Variants in GKAP1 observed in about 807,000 individuals in gnomAD.
The protein encoded by GKAP1 is G kinase anchoring protein 1, also known as G kinase-anchoring protein 1.
A neutral mutation model predicts 56.7 loss-of-function variants in GKAP1; 31 were observed. The observed-to-expected ratio is 0.55, with a 90% CI of 0.41 to 0.74. GKAP1 has a LOEUF of 0.74. Ranked by LOEUF, GKAP1 falls within the 30% of genes least tolerant of loss-of-function variation. The pLI is 0.00. For synonymous variants in GKAP1, 151 were observed against 138.6 expected, an observed-to-expected ratio of 1.09 and a Z score of -0.63; for missense variants, 364 against 402.3, an observed-to-expected ratio of 0.90 and a Z score of 0.82.
chr9:83,795,588 C>CTTTT (rs58291258), intron 4 of GKAP1, among the ~76,000 whole-genome samples: 3,133 of 108,876 alleles, frequency 0.029, 180 homozygotes, highest in Middle Eastern at 0.058. Flanking sequence ...CTGAGAGTGT[C>CTTTT]TTTTTTTTTT....
At chr9:83,811,501 A>G (rs1944505418) in intron 2 of GKAP1, among the ~76,000 whole-genome samples, 1 of 152,244 alleles carries the variant, frequency 6.6e-6, no homozygotes, top group Non-Finnish European at 1.5e-5. Flanking sequence ...CAAAGCAAAC[A>G]GAAAGTATTA....
intron 9 of GKAP1, among the ~76,000 whole-genome samples, chr9:83,749,559 T>C (rs1943352258): frequency 6.6e-6 from 1 of 152,084 alleles, no homozygotes; most frequent in Non-Finnish European, 1.5e-5. Context: ...AATACATTAA[T>C]ACATTAGAGA....
intron 2 of GKAP1, among the ~76,000 whole-genome samples, chr9:83,816,604 C>T (rs1944603878): frequency 1.3e-5 from 2 of 152,172 alleles, no homozygotes; most frequent in Non-Finnish European, 2.9e-5. Context: ...ATTTTTATAG[C>T]TACAAGTCAC....
At chr9:83,748,513 G>T (rs1417372475) in intron 9 of GKAP1, 141 bp from the exon 10 acceptor site, 1 of 500,536 alleles carries the variant, frequency 2.0e-6, no homozygotes, top group Non-Finnish European at 3.5e-6. Flanking sequence ...GGAGGAAAAT[G>T]TATTCGGAAC....
chr9:83,802,831 TA>T (rs58651185), intron 3 of GKAP1, among the ~76,000 whole-genome samples: 60 of 144,320 alleles, frequency 4.2e-4, no homozygotes, highest in Admixed American at 1.1e-3. Context: ...GTCTTCTCTT[TA>T]AAAAAAAAAA....
rs1587722571 is a variant in GKAP1, at chr9:83,784,746, G to A, written c.531C>T (p.Leu177=). ...AATGAAAATCTTTTAGTGATACTGTGAGAGGTCTGTCTTTTCCCTGATGAT... is the reference window on the plus strand; with the variant it reads ...AATGAAAATCTTTTAGTGATACTGTAAGAGGTCTGTCTTTTCCCTGATGAT... ...RKNHQGKDRP[L]TVSLKDFHSE... Residue 177 remains leucine, a synonymous_variant, in exon 6 of 13, where the codon CTC becomes CTT. Transcript: ENST00000376371. 6.2e-7 allele frequency: 1 copy of A among 1,601,832 alleles called. No individual in the cohort carries two copies. The highest frequency in any genetic ancestry group is 2.3e-5 in the East Asian group (1 of 44,396).
intron 11 of GKAP1, among the ~76,000 whole-genome samples, 188 bp downstream of exon 11, chr9:83,742,342 G>T (rs1280142840): frequency 6.6e-6 from 1 of 152,114 alleles, no homozygotes; most frequent in East Asian, 1.9e-4. Flanking sequence ...CTATTCTTCA[G>T]GGGGAAGGAC....
intron 9 of GKAP1, chr9:83,748,785 G>A (rs890685432): frequency 6.6e-6 from 1 of 152,456 alleles, no homozygotes; most frequent in Non-Finnish European, 1.5e-5. Context: ...CTCTGTATTT[G>A]TCACTGTCCA....
At chr9:83,814,004 G>A (rs1207699502) in intron 2 of GKAP1, among the ~76,000 whole-genome samples, 3 of 152,100 alleles carry the variant, frequency 2.0e-5, no homozygotes, top group African/African-American at 7.2e-5. Flanking sequence ...GGAGGCTAAG[G>A]TGGTAGGATC....
chr9:83,814,577 AAG>A (rs1454837664), intron 2 of GKAP1, among the ~76,000 whole-genome samples: 3 of 152,228 alleles, frequency 2.0e-5, no homozygotes, highest in Non-Finnish European at 4.4e-5. Flanking sequence ...CCTGAAAGAC[AAG>A]AGTTTCTATC....
At chr9:83,796,228 G>A (rs1417745848) in intron 4 of GKAP1, among the ~76,000 whole-genome samples, 4 of 151,900 alleles carry the variant, frequency 2.6e-5, no homozygotes, top group Non-Finnish European at 5.9e-5. Flanking sequence ...CACTGCACTC[G>A]GCCTATCAAC....
intron 9 of GKAP1, among the ~76,000 whole-genome samples, chr9:83,752,103 C>T (rs114805678): frequency 0.017 from 2,551 of 152,098 alleles, 65 homozygotes; most frequent in African/African-American, 0.059. Context: ...CGTGGATGAA[C>T]CTTAAAAACA....
intron 10 of GKAP1, among the ~76,000 whole-genome samples, chr9:83,747,781 T>C (rs1381653822): frequency 6.6e-6 from 1 of 151,780 alleles, no homozygotes; most frequent in Non-Finnish European, 1.5e-5. Flanking sequence ...GGATTACAGG[T>C]GTGCACTACC....
chr9:83,759,000 T>A (rs891304119), intron 8 of GKAP1, among the ~76,000 whole-genome samples: 3 of 152,146 alleles, frequency 2.0e-5, no homozygotes, highest in African/African-American at 7.2e-5. Context: ...GAAAAACTTC[T>A]AATTTTTTCA....
At chr9:83,802,569 C>T (rs1399183066) in intron 3 of GKAP1, among the ~76,000 whole-genome samples, 2 of 151,924 alleles carry the variant, frequency 1.3e-5, no homozygotes, top group Non-Finnish European at 2.9e-5. Context: ...TGTTGCACAC[C>T]TGTAATCTCA....
chr9:83,753,015 A>G (rs1057504992), intron 9 of GKAP1, among the ~76,000 whole-genome samples: 2 of 151,658 alleles, frequency 1.3e-5, no homozygotes, highest in Non-Finnish European at 2.9e-5. Context: ...AGCTGAGATC[A>G]CTCCATTGCA....
intron 8 of GKAP1, among the ~76,000 whole-genome samples, chr9:83,765,270 A>G (rs111540863): frequency 2.7e-3 from 407 of 152,286 alleles, no homozygotes; most frequent in Non-Finnish European, 4.4e-3. Context: ...CACAGAAGAG[A>G]AGGACTGAGA....
At chr9:83,812,228 C>T (rs559406541) in intron 2 of GKAP1, among the ~76,000 whole-genome samples, 1 of 147,126 alleles carries the variant, frequency 6.8e-6, no homozygotes, top group Admixed American at 6.8e-5. Flanking sequence ...TACACACACA[C>T]ATGTATACAT....
intron 11 of GKAP1, 105 bp from the exon 12 acceptor site, chr9:83,742,134 G>A (rs1943219052): frequency 1.4e-6 from 1 of 702,642 alleles, no homozygotes; most frequent in Non-Finnish European, 2.5e-6. Flanking sequence ...AAATGGATGA[G>A]TAACAGAGAA....
Sources: allele counts gnomAD v4.1 joint callset (sites outside exome capture counted in the v4.1 genomes callset), GRCh38; gene constraint gnomAD v4.1.1; transcripts MANE v1.5; gene names NCBI Gene and HGNC (gene_info 2026-07-23, HGNC 2026-07-21).